ABCA13: variants seen among roughly 807,000 people sequenced by gnomAD.
ABCA13 encodes the protein ATP-binding cassette sub-family A member 13.
ABCA13 carries 476 observed loss-of-function variants against 478.7 expected under a neutral mutation model. That is an observed-to-expected ratio of 0.99 (90% CI 0.92 to 1.07). The LOEUF (loss-of-function observed/expected upper bound fraction) is 1.07, where lower values mean the gene tolerates loss of function less well. Among genes scored for constraint, ABCA13 ranks in the 50% least tolerant of loss-of-function variants. ABCA13 has a pLI of 0.00. For synonymous variants in ABCA13, 2,252 were observed against 2,158.9 expected (o/e 1.04, Z -1.20); for missense variants, 6,060 against 5,910.6 (o/e 1.03, Z -0.83).
chr7:48,331,740 C>T (rs1252660303), intron 27 of ABCA13, among the ~76,000 whole-genome samples: 1 of 152,114 alleles, frequency 6.6e-6, no homozygotes, highest in East Asian at 1.9e-4. Flanking sequence ...TTCCAATTTC[C>T]CATTTTACTG....
At chr7:48,568,177 A>G (rs940622067) in intron 55 of ABCA13, among the ~76,000 whole-genome samples, 19 of 152,238 alleles carry the variant, frequency 1.2e-4, no homozygotes, top group Middle Eastern at 3.4e-3. Flanking sequence ...ATTAACAATC[A>G]TTCTCCATTG....
At chr7:48,527,728 C>T (rs1238377603) in intron 54 of ABCA13, among the ~76,000 whole-genome samples, 3 of 151,962 alleles carry the variant, frequency 2.0e-5, no homozygotes, top group Non-Finnish European at 2.9e-5. Flanking sequence ...ACAGGCTCTT[C>T]AATGGAAAAA....
intron 59 of ABCA13, among the ~76,000 whole-genome samples, chr7:48,632,511 C>A (rs945759363): frequency 1.3e-5 from 2 of 152,054 alleles, no homozygotes; most frequent in African/African-American, 4.8e-5. Context: ...TGAAGATTTA[C>A]CCCCAGATTT....
At chr7:48,509,073 G>A (rs1321221863) in intron 50 of ABCA13, among the ~76,000 whole-genome samples, 1 of 152,014 alleles carries the variant, frequency 6.6e-6, no homozygotes, top group African/African-American at 2.4e-5. Context: ...GATTCCCAAG[G>A]GCCTATCCTT....
In ABCA13 at chr7:48,240,915, G is replaced by C; in HGVS notation, c.1111G>C (p.Gly371Arg). ...TAGCCTGCTTCAGAAGACACTCACA[G>C]GCATGGGCCATAGTCTGGAGGCTCT... ...QGSLLQKTLT[G>R]MGHSLEALRN... Residue 371 changes from glycine to arginine, a missense_variant, in exon 10 of 62, where the codon GGC becomes CGC. Coordinates refer to ENST00000435803, the MANE Select transcript of ABCA13 (RefSeq NM_152701.5). The C allele has an allele frequency of 6.2e-7, 1 of 1,610,388 alleles. No individual in the cohort carries two copies. Among genetic ancestry groups the C allele is most frequent in the African/African-American group, 1.3e-5 (1 of 74,986 alleles).
chr7:48,478,900 T>C (rs1315141889), intron 45 of ABCA13, among the ~76,000 whole-genome samples: 4 of 152,050 alleles, frequency 2.6e-5, no homozygotes. Flanking sequence ...CCAACGTTAC[T>C]ATTTGTGTGC....
intron 23 of ABCA13, among the ~76,000 whole-genome samples, chr7:48,305,582 G>A (rs1211149077): frequency 1.3e-5 from 2 of 152,128 alleles, no homozygotes; most frequent in African/African-American, 4.8e-5. Flanking sequence ...CTGAGCTGAG[G>A]GCAGCCTTTC....
rs1327234988 is a variant in ABCA13, at chr7:48,274,427, A to G, written c.4761A>G (p.Glu1587=). ...ACATATTTGCCACCAGTCCAAAAGA[A>G]AAGGATGTAAACAGTGTAGGCAATT... is the stretch of plus-strand genomic sequence containing the variant. ...LLNIFATSPK[E]KDVNSVGNSI... Residue 1587 remains glutamate (E), a synonymous_variant, in exon 17 of 62, where the codon GAA becomes GAG. Transcript: ENST00000435803. 1 of 1,613,028 alleles carries G rather than the reference A, an allele frequency of 6.2e-7. No individual in the cohort carries two copies. Among genetic ancestry groups the G allele is most frequent in the Non-Finnish European group, 8.5e-7 (1 of 1,179,564 alleles).
chr7:48,525,027 G>A lies in ABCA13; in HGVS notation c.14244+587G>A, dbSNP rs142439809. 3.4e-4 allele frequency among the ~76,000 whole-genome samples: 52 copies of A among 152,258 alleles called. 1 individual carries two copies. The East Asian group carries it at 7.9e-3, about 23-fold the overall frequency. On this transcript the variant is annotated intron_variant, in intron 54 of 61. Coordinates refer to ENST00000435803, the MANE Select transcript of ABCA13 (RefSeq NM_152701.5). Reference sequence around the variant, plus strand: ...TCAATTAACTGTTAAAAATAAAAGAGCACCTTGCATTCATACGGTTCCCAG... The same window carrying A: ...TCAATTAACTGTTAAAAATAAAAGAACACCTTGCATTCATACGGTTCCCAG...
At chr7:48,292,540 C>T (rs1798680091) in intron 20 of ABCA13, among the ~76,000 whole-genome samples, 2 of 152,156 alleles carry the variant, frequency 1.3e-5, no homozygotes, top group Admixed American at 1.3e-4. Flanking sequence ...TGTCCGATTT[C>T]TAAGGGAGGC....
In ABCA13 at chr7:48,524,804, A is replaced by G. The variant is rs527476839; in HGVS notation, c.14244+364A>G. ...GGGACATCAGTACTCTAAGTGTCCAATTAAGCCCATCTGGCAAAATGCTAC... is the reference window on the plus strand; with the variant it reads ...GGGACATCAGTACTCTAAGTGTCCAGTTAAGCCCATCTGGCAAAATGCTAC... On this transcript the variant is annotated intron_variant, in intron 54 of 61. Coordinates refer to ENST00000435803, the MANE Select transcript of ABCA13 (RefSeq NM_152701.5). Among the ~76,000 whole-genome samples, 6 of 152,340 alleles carry G rather than the reference A, an allele frequency of 3.9e-5. No individual in the cohort carries two copies. In the South Asian group the frequency reaches 1.2e-3, roughly 32 times the overall value.
intron 41 of ABCA13, among the ~76,000 whole-genome samples, chr7:48,419,544 G>A (rs1189410811): frequency 8.8e-6 from 1 of 114,154 alleles, no homozygotes; most frequent in Admixed American, 8.3e-5. Flanking sequence ...ATTCTTCCAC[G>A]TAACATGCCT....
chr7:48,279,659 GAA>G lies in ABCA13; in HGVS notation c.8466_8467del (p.Arg2822SerfsTer11). 1 of 1,613,446 alleles carries G rather than the reference GAA, an allele frequency of 6.2e-7. No homozygotes were observed. Among genetic ancestry groups the G allele is most frequent in the Non-Finnish European group, 8.5e-7 (1 of 1,179,746 alleles). ...AAAGCAATCCATAATGTTTTAAGTA[GAA>G]TAGCTCTCTGGAGGAAAGGACTTCT... On this transcript the variant is annotated frameshift_variant, in exon 18 of 62. Coordinates refer to ENST00000435803, the MANE Select transcript of ABCA13 (RefSeq NM_152701.5). LOFTEE classifies it high-confidence loss of function.
Position 48,273,463 on chromosome 7 carries a change from A to C in ABCA13, c.3797A>C (p.Gln1266Pro). 1 of 1,611,148 alleles carries C rather than the reference A, an allele frequency of 6.2e-7. No individual in the cohort carries two copies. The highest frequency in any genetic ancestry group is 8.5e-7 in the Non-Finnish European group (1 of 1,178,374). Residue 1266 changes from glutamine to proline, a missense_variant, in exon 17 of 62, where the codon CAG (glutamine) becomes CCG (proline). Physicochemically the swap from Gln to Pro is moderately conservative, Grantham distance 76. Coordinates refer to ENST00000435803, the MANE Select transcript of ABCA13 (RefSeq NM_152701.5). ...SLFTMEAALH[Q>P]LKTFPFNEST... ...TTCACCATGGAAGCTGCCCTGCATC[A>C]GTTGAAGACATTTCCATTCAACGAA...
chr7:48,552,926 T>G lies in ABCA13; in HGVS notation c.14354+24581T>G, dbSNP rs958503655. On this transcript the variant is annotated intron_variant, in intron 55 of 61. Coordinates refer to ENST00000435803, the MANE Select transcript of ABCA13 (RefSeq NM_152701.5). ...GGTCTTATTCATTCTTTACAACTAC[T>G]TCTTGTACCCATTAATCATCCCCAC... Among the ~76,000 whole-genome samples, 8 of 151,614 alleles carry G rather than the reference T, an allele frequency of 5.3e-5. 1 individual carries two copies. Among genetic ancestry groups the G allele is most frequent in the African/African-American group, 1.9e-4 (8 of 41,386 alleles).
At chr7:48,255,428 C>G (rs1159869090) in intron 15 of ABCA13, among the ~76,000 whole-genome samples, 1 of 151,984 alleles carries the variant, frequency 6.6e-6, no homozygotes, top group African/African-American at 2.4e-5. Flanking sequence ...AACATAGTAT[C>G]CAATAGTTAG....
chr7:48,195,022 T>A (rs36177364), intron 2 of ABCA13, among the ~76,000 whole-genome samples: 1 of 152,052 alleles, frequency 6.6e-6, no homozygotes. Flanking sequence ...GGGAGCCATG[T>A]GAGCACACAA....
intron 19 of ABCA13, 70 bp downstream of exon 19, chr7:48,281,522 G>A: frequency 2.2e-6 from 3 of 1,335,050 alleles, no homozygotes; most frequent in Non-Finnish European, 3.1e-6. Flanking sequence ...GTGTCAGAGA[G>A]ATGAGTATAT....
chr7:48,396,808 T>G (rs2129063042), intron 38 of ABCA13, among the ~76,000 whole-genome samples: 1 of 152,192 alleles, frequency 6.6e-6, no homozygotes, highest in South Asian at 2.1e-4. Context: ...CAACCCACAG[T>G]GGGGAACGTG....
Sources: allele counts gnomAD v4.1 joint callset (sites outside exome capture counted in the v4.1 genomes callset), GRCh38; gene constraint gnomAD v4.1.1; transcripts MANE v1.5; gene names NCBI Gene and HGNC (gene_info 2026-07-23, HGNC 2026-07-21).